AGO2: variants seen among roughly 807,000 people sequenced by gnomAD.
The protein encoded by AGO2 is argonaute RISC catalytic component 2, also known as protein argonaute-2.
A neutral mutation model predicts 102.3 loss-of-function variants in AGO2; 5 were observed. That is an observed-to-expected ratio of 0.05 (90% CI 0.03 to 0.10). The LOEUF (loss-of-function observed/expected upper bound fraction) is 0.10. Among genes scored for constraint, AGO2 ranks in the 10% least tolerant of loss-of-function variants. AGO2 has a pLI of 1.00. For synonymous variants in AGO2, 449 were observed against 473.1 expected, an observed-to-expected ratio of 0.95 and a Z score of 0.66; for missense variants, 541 against 1,183.7, an observed-to-expected ratio of 0.46 and a Z score of 7.97.
intron 10 of AGO2, among the ~76,000 whole-genome samples, chr8:140,553,469 G>T (rs1381742416): frequency 1.3e-5 from 2 of 148,240 alleles, no homozygotes; most frequent in Non-Finnish European, 3.0e-5. Flanking sequence ...GAGTGCAATG[G>T]CACGATCTTG....
upstream of AGO2, among the ~76,000 whole-genome samples, chr8:140,639,318 A>G (rs1387651673): frequency 6.6e-6 from 1 of 152,150 alleles, no homozygotes; most frequent in Admixed American, 6.5e-5. Flanking sequence ...TGTCTCTACT[A>G]AAAATACAAA....
At chr8:140,538,366 G>T (rs2072733849) in intron 16 of AGO2, among the ~76,000 whole-genome samples, 1 of 152,194 alleles carries the variant, frequency 6.6e-6, no homozygotes, top group Admixed American at 6.5e-5. Context: ...TTCTGGGCAG[G>T]TCTCTTTCCT....
intron 3 of AGO2, among the ~76,000 whole-genome samples, chr8:140,571,245 C>G (rs981773506): frequency 2.6e-5 from 4 of 152,206 alleles, no homozygotes; most frequent in Non-Finnish European, 4.4e-5. Context: ...TCTGCTCAGT[C>G]ACAGCACGTT....
At position 140,531,983 on chromosome 8, in the gene AGO2, T is replaced by C; in HGVS notation, c.*61A>G. The C allele has an allele frequency of 6.9e-7, 1 of 1,443,504 alleles. No homozygotes were observed. Among genetic ancestry groups the C allele is most frequent in the Non-Finnish European group, 9.7e-7 (1 of 1,028,856 alleles). 89.4% of individuals were successfully genotyped at this position (1,443,504 alleles called of 1,614,324 possible). On this transcript the variant is annotated 3_prime_UTR_variant, in exon 19 of 19. Transcript: ENST00000220592. ...CACGGAAGGGCTGGCCATCTGTTGG[T>C]CTGAGTGTAGCTGGTCTCGTGAATC...
rs754127678 is a variant in AGO2 at position 140,539,286 on chromosome 8, C to A, written c.2169+34G>T. On this transcript the variant is annotated intron_variant, in intron 16 of 18. Coordinates refer to ENST00000220592, the MANE Select transcript of AGO2 (RefSeq NM_012154.5). This position sits in a 1 kb window ranked among gnomAD's most constrained non-coding sequence, Gnocchi z 4.7. ...CGGGGTGTGGGGCTGAGGGGAGAAC[C>A]GTGCCCCCTGCCTGGAGTCATGCAG... The A allele has an allele frequency of 4.4e-6, 7 of 1,576,372 alleles. No homozygotes were observed. Among genetic ancestry groups the A allele is most frequent in the Non-Finnish European group, 6.0e-6 (7 of 1,159,064 alleles).
At chr8:140,630,147 A>G (rs908760650) in intron 1 of AGO2, among the ~76,000 whole-genome samples, 2 of 152,222 alleles carry the variant, frequency 1.3e-5, no homozygotes, top group African/African-American at 2.4e-5. Context: ...CAGGAAGTGC[A>G]GTGCCATCAG....
intron 2 of AGO2, among the ~76,000 whole-genome samples, chr8:140,573,342 T>C (rs1328626581): frequency 2.6e-5 from 4 of 151,066 alleles, no homozygotes; most frequent in Non-Finnish European, 5.9e-5. Flanking sequence ...GCTAATTTTT[T>C]GTATTTTTTT....
At chr8:140,538,100 G>C (rs993331195) in intron 16 of AGO2, among the ~76,000 whole-genome samples, 1 of 152,192 alleles carries the variant, frequency 6.6e-6, no homozygotes, top group Non-Finnish European at 1.5e-5. Context: ...GATTACAGGC[G>C]TGAGCCACCG....
chr8:140,566,313 C>CATGA (rs756755422), intron 3 of AGO2, among the ~76,000 whole-genome samples: 1 of 152,310 alleles, frequency 6.6e-6, no homozygotes, highest in Non-Finnish European at 1.5e-5. Flanking sequence ...TGTCCTCCAC[C>CATGA]ATGACTGTGA....
chr8:140,543,032 G>A (rs1351030530), intron 14 of AGO2, among the ~76,000 whole-genome samples: 1 of 152,186 alleles, frequency 6.6e-6, no homozygotes, highest in Non-Finnish European at 1.5e-5. Flanking sequence ...AGCTACTCGG[G>A]AGGCTGAGGT....
In AGO2 at chr8:140,550,086, C is replaced by T. The variant is rs965692086; in HGVS notation, c.1404-788G>A. Among the ~76,000 whole-genome samples the T allele has an allele frequency of 1.2e-4, 19 of 152,172 alleles. No individual in the cohort carries two copies. The East Asian group carries it at 1.3e-3, about 11-fold the overall frequency. On this transcript the variant is annotated intron_variant, in intron 11 of 18. Transcript: ENST00000220592. The stretch of plus-strand genomic sequence containing the variant: ...CAAGGACAAAAGAAGGGGCAGGAGG[C>T]GACCCTGTGTTCAGAACTAACCTAC...
intron 10 of AGO2, among the ~76,000 whole-genome samples, chr8:140,552,734 GCGCGCGCA>G (rs2073021210): frequency 7.5e-6 from 1 of 133,706 alleles, no homozygotes; most frequent in Non-Finnish European, 1.6e-5. Flanking sequence ...ATGCACGCGC[GCGCGCGCA>G]CACACACACA....
At chr8:140,636,606 A>C (rs1037247769), upstream of AGO2, 1 of 152,104 alleles carries the variant, frequency 6.6e-6, no homozygotes, top group African/African-American at 2.4e-5. Flanking sequence ...GGCGGAGAAT[A>C]AACAGGAGTT....
At chr8:140,624,520 T>C (rs947721302) in intron 1 of AGO2, among the ~76,000 whole-genome samples, 1 of 152,200 alleles carries the variant, frequency 6.6e-6, no homozygotes, top group Non-Finnish European at 1.5e-5. Context: ...CACGCCGGGC[T>C]ACACCCAGGA....
chr8:140,623,261 C>T lies in AGO2; in HGVS notation c.22+12224G>A, dbSNP rs376427531. On this transcript the variant is annotated intron_variant, in intron 1 of 18. Transcript: ENST00000220592. ...TGGGGGAATAATGCACATGGGGTCTCCTCTTGGGGGAATAATGCACATAGG... is the reference window on the plus strand; with the variant it reads ...TGGGGGAATAATGCACATGGGGTCTTCTCTTGGGGGAATAATGCACATAGG... Among the ~76,000 whole-genome samples the T allele has an allele frequency of 7.0e-5, 5 of 70,948 alleles. No individual in the cohort carries two copies. The East Asian group carries it at 1.9e-3, about 26-fold the overall frequency. The allele number at this position is 70,948 out of a possible 152,430, so 46.5% of individuals were successfully genotyped here.
rs907803990 is a variant in AGO2 at position 140,589,423 on chromosome 8, G to A, written c.23-4112C>T. ...CCACCTGAGCTTGGGTGGCAGCCTC[G>A]CTGTGAGGCTGGCACAGGGGCCCAG... On this transcript the variant is annotated intron_variant, in intron 1 of 18. Coordinates refer to ENST00000220592, the MANE Select transcript of AGO2 (RefSeq NM_012154.5). This position sits in a 1 kb window ranked among gnomAD's most constrained non-coding sequence, Gnocchi z 4.2. 4.6e-5 allele frequency among the ~76,000 whole-genome samples: 7 copies of A among 151,844 alleles called. No individual in the cohort carries two copies. Among genetic ancestry groups the A allele is most frequent in the Admixed American group, 1.3e-4 (2 of 15,290 alleles).
intron 10 of AGO2, among the ~76,000 whole-genome samples, chr8:140,553,365 C>T (rs530785368): frequency 3.3e-5 from 5 of 150,642 alleles, no homozygotes; most frequent in Non-Finnish European, 7.4e-5. Flanking sequence ...GCCAGGGCAA[C>T]AGAGAAACAC....
Position 140,529,880 on chromosome 8 carries a change from G to T in AGO2, c.*2164C>A, listed in dbSNP as rs1260887297. ...CACACCTTTGAGACACATGGTTCCA[G>T]ATGATTGTAAAAATGGCTGGAAACT... On this transcript the variant is annotated 3_prime_UTR_variant, in exon 19 of 19. Transcript: ENST00000220592. The T allele has an allele frequency of 6.6e-6, 1 of 152,240 alleles. No homozygotes were observed. The highest frequency in any genetic ancestry group is 1.5e-5 in the Non-Finnish European group (1 of 68,048). The allele number at this position is 152,240 out of a possible 1,614,324, so 9.4% of individuals were successfully genotyped here. A position where few individuals can be genotyped will look rare whatever the true frequency, so the allele number is the denominator to read the frequency against.
intron 17 of AGO2, 154 bp from the exon 18 acceptor site, chr8:140,532,769 G>A: frequency 1.3e-6 from 1 of 761,460 alleles, no homozygotes; most frequent in South Asian, 1.8e-5. Flanking sequence ...GGCCAAGGCG[G>A]GCAGATCACG....
Sources: allele counts gnomAD v4.1 joint callset (sites outside exome capture counted in the v4.1 genomes callset), GRCh38; gene constraint gnomAD v4.1.1; non-coding constraint Gnocchi (gnomAD v3.1); transcripts MANE v1.5; gene names NCBI Gene and HGNC (gene_info 2026-07-23, HGNC 2026-07-21).